The following F2RL1 variants were observed in gnomAD, a reference collection of about 807,000 sequenced individuals.
The protein encoded by F2RL1 is proteinase-activated receptor 2.
Under a neutral mutation model 21.7 loss-of-function variants are expected in F2RL1, and 16 were observed. The ratio of observed to expected loss-of-function variants is 0.74; its 90% CI spans 0.50 to 1.12. The LOEUF is 1.12. Among genes scored for constraint, F2RL1 ranks in the 50% most tolerant of loss-of-function variants. The pLI, the probability that F2RL1 is intolerant of heterozygous loss-of-function variation, is 0.00. For missense variants in F2RL1, 432 were observed against 477.8 expected (o/e 0.90, Z 0.89); for synonymous variants, 181 against 186.7 (o/e 0.97, Z 0.25).
At chr5:76,823,429 A>T (rs899367177) in intron 1 of F2RL1, among the ~76,000 whole-genome samples, 1 of 130,796 alleles carries the variant, frequency 7.6e-6, no homozygotes, top group African/African-American at 3.0e-5. Context: ...GGAGGGCTGG[A>T]GTGCAGTGAT....
rs746222585 is a variant in F2RL1 at position 76,832,964 on chromosome 5, G to A, written c.357G>A (p.Leu119=). Residue 119 remains leucine, a synonymous_variant, in exon 2 of 2, where the codon TTG becomes TTA. Transcript: ENST00000296677. ...PAVIYMANLA[L]ADLLSVIWFP... is the part of the protein sequence containing the mutation. The stretch of plus-strand genomic sequence containing the variant: ...TGATTTACATGGCCAATCTGGCCTT[G>A]GCTGACCTCCTCTCTGTCATCTGGT... 1.2e-6 allele frequency: 2 copies of A among 1,614,194 alleles called. No individual in the cohort carries two copies. Among genetic ancestry groups the A allele is most frequent in the Non-Finnish European group, 1.7e-6 (2 of 1,180,056 alleles).
At chr5:76,829,354 C>G (rs1461172290) in intron 1 of F2RL1, among the ~76,000 whole-genome samples, 1 of 151,366 alleles carries the variant, frequency 6.6e-6, no homozygotes, top group Non-Finnish European at 1.5e-5. Context: ...GCTTTGGCCT[C>G]TCAAAGTGCT....
At position 76,825,457 on chromosome 5, in the gene F2RL1, G is replaced by A. The variant is rs1192978920; in HGVS notation, c.82+6193G>A. Among the ~76,000 whole-genome samples, 3 of 152,158 alleles carry A rather than the reference G, an allele frequency of 2.0e-5. No individual in the cohort carries two copies. The East Asian group carries it at 5.8e-4, about 29-fold the overall frequency. ...GAGCTGTTTGTCTGTAACTGAGTGG[G>A]GGGATGCTGCCTTGAGCATCTGTGA... On this transcript the variant is annotated intron_variant, in intron 1 of 1. Coordinates refer to ENST00000296677, the MANE Select transcript of F2RL1 (RefSeq NM_005242.6).
At chr5:76,827,956 C>T (rs1001344249) in intron 1 of F2RL1, among the ~76,000 whole-genome samples, 2 of 152,004 alleles carry the variant, frequency 1.3e-5, no homozygotes, top group African/African-American at 4.8e-5. Flanking sequence ...ATAACTGTAC[C>T]TTTTATTTTA....
At chr5:76,829,263 CTT>C (rs57404989) in intron 1 of F2RL1, among the ~76,000 whole-genome samples, 528 of 46,034 alleles carry the variant, frequency 0.011, 2 homozygotes, top group African/African-American at 0.023. Flanking sequence ...TCTTCTTCTT[CTT>C]TTTTTTTTTT....
At chr5:76,826,374 G>T (rs1006863059) in intron 1 of F2RL1, among the ~76,000 whole-genome samples, 2 of 152,124 alleles carry the variant, frequency 1.3e-5, no homozygotes, top group Admixed American at 1.3e-4. Flanking sequence ...TTAGCCCTTG[G>T]CAAACACTAA....
In F2RL1 at chr5:76,833,036, T is replaced by C. The variant is rs1048421495; in HGVS notation, c.429T>C (p.Tyr143=). 7 of 1,614,068 alleles carry C rather than the reference T, an allele frequency of 4.3e-6. No homozygotes were observed. Among genetic ancestry groups the C allele is most frequent in the Middle Eastern group, 3.3e-4 (2 of 6,084 alleles). ...AYHIHGNNWI[Y]GEALCNVLIG... ...ACATACATGGCAACAACTGGATTTA[T>C]GGGGAAGCTCTTTGTAATGTGCTTA... is the stretch of plus-strand genomic sequence containing the variant. Residue 143 remains tyrosine, a synonymous_variant, in exon 2 of 2, where the codon TAT becomes TAC. Coordinates refer to ENST00000296677, the MANE Select transcript of F2RL1 (RefSeq NM_005242.6).
At chr5:76,820,973 A>G (rs905794815) in intron 1 of F2RL1, among the ~76,000 whole-genome samples, 1 of 152,240 alleles carries the variant, frequency 6.6e-6, no homozygotes, top group African/African-American at 2.4e-5. Context: ...ATTGATTTTA[A>G]TAAGAAATAC....
In F2RL1 at chr5:76,833,549, T is replaced by A. The variant is rs1398892656; in HGVS notation, c.942T>A (p.Ile314=). 2 of 1,613,676 alleles carry A rather than the reference T, an allele frequency of 1.2e-6. No individual in the cohort carries two copies. The highest frequency in any genetic ancestry group is 1.7e-6 in the Non-Finnish European group (2 of 1,179,970). Residue 314 remains isoleucine, a synonymous_variant, in exon 2 of 2, where the codon ATT becomes ATA. Coordinates refer to ENST00000296677, the MANE Select transcript of F2RL1 (RefSeq NM_005242.6). ...TGCTTGTGGTGCATTATTTTCTGATTAAGAGCCAGGGCCAGAGCCATGTCT... is the reference window on the plus strand; with the variant it reads ...TGCTTGTGGTGCATTATTTTCTGATAAAGAGCCAGGGCCAGAGCCATGTCT... ...NLLLVVHYFL[I]KSQGQSHVYA...
At chr5:76,832,618 C>G (rs938807518) in intron 1 of F2RL1, 72 bp from the exon 2 acceptor site, 21 of 1,396,956 alleles carry the variant, frequency 1.5e-5, no homozygotes, top group Non-Finnish European at 2.0e-5. Context: ...AATGTACTTT[C>G]ATTTGAACAA....
chr5:76,831,065 T>G (rs1750340745), intron 1 of F2RL1, among the ~76,000 whole-genome samples: 1 of 152,184 alleles, frequency 6.6e-6, no homozygotes, highest in Non-Finnish European at 1.5e-5. Context: ...TCCTGCAGGT[T>G]CATGAATACT....
At chr5:76,829,251 C>G (rs62365146) in intron 1 of F2RL1, among the ~76,000 whole-genome samples, 78,207 of 146,596 alleles carry the variant, frequency 0.53, 21,067 homozygotes, top group South Asian at 0.72. Context: ...TACCTTTGTT[C>G]TTCTTCTTCT....
At chr5:76,829,026 G>A (rs941230471) in intron 1 of F2RL1, among the ~76,000 whole-genome samples, 2 of 151,812 alleles carry the variant, frequency 1.3e-5, no homozygotes, top group African/African-American at 4.8e-5. Context: ...TGAGGCAGGA[G>A]AATTGCTTGA....
rs1750425237 is a variant in F2RL1, at chr5:76,834,608, C to G, written c.*807C>G. 1 of 152,114 alleles carries G rather than the reference C, an allele frequency of 6.6e-6. No individual in the cohort carries two copies. The highest frequency in any genetic ancestry group is 6.6e-5 in the Admixed American group (1 of 15,250). 9.4% of individuals were successfully genotyped at this position (152,114 alleles called of 1,614,324 possible). A position where few individuals can be genotyped will look rare whatever the true frequency, so the allele number is the denominator to read the frequency against. On this transcript the variant is annotated 3_prime_UTR_variant, in exon 2 of 2. Coordinates refer to ENST00000296677, the MANE Select transcript of F2RL1 (RefSeq NM_005242.6). ...AGGTTGCAGTGAGCCGAGATTGCAC[C>G]ACTGCACTCCAGCTTGGGTGATAAA...
In F2RL1 at chr5:76,833,380, C is replaced by T. The variant is rs1750389066; in HGVS notation, c.773C>T (p.Thr258Ile). 2 of 1,613,978 alleles carry T rather than the reference C, an allele frequency of 1.2e-6. No individual in the cohort carries two copies. Among genetic ancestry groups the T allele is most frequent in the Admixed American group, 1.7e-5 (1 of 59,992 alleles). Residue 258 changes from threonine to isoleucine, a missense_variant, in exon 2 of 2, where the codon ACA (threonine) becomes ATA (isoleucine). Thr to Ile is a moderately conservative substitution (Grantham distance 89). Transcript: ENST00000296677. ...IGVFLFPAFL[T>I]ASAYVLMIRM... ...GTCTTTCTGTTCCCAGCCTTCCTCA[C>T]AGCCTCTGCCTATGTGCTGATGATC...
chr5:76,828,201 T>A (rs914159877), intron 1 of F2RL1, among the ~76,000 whole-genome samples: 1 of 152,064 alleles, frequency 6.6e-6, no homozygotes, highest in African/African-American at 2.4e-5. Context: ...ACTCCTGACC[T>A]CAGGTGATCC....
At chr5:76,819,751 C>G (rs1037280189) in intron 1 of F2RL1, among the ~76,000 whole-genome samples, 1 of 152,034 alleles carries the variant, frequency 6.6e-6, no homozygotes, top group African/African-American at 2.4e-5. Flanking sequence ...CAGGGCAGGG[C>G]GGAGTGGGTG....
In F2RL1 at chr5:76,833,422, C is replaced by T. The variant is rs1463079051; in HGVS notation, c.815C>T (p.Ser272Phe). 6.2e-7 allele frequency: 1 copy of T among 1,613,904 alleles called. No individual in the cohort carries two copies. The highest frequency in any genetic ancestry group is 8.5e-7 in the Non-Finnish European group (1 of 1,180,032). Residue 272 changes from serine (S) to phenylalanine (F), a missense_variant, in exon 2 of 2, where the codon TCT becomes TTT. By Grantham distance (155) the Ser-to-Phe change is radical. Coordinates refer to ENST00000296677, the MANE Select transcript of F2RL1 (RefSeq NM_005242.6). ...CTGATGATCAGAATGCTGCGATCTT[C>T]TGCCATGGATGAAAACTCAGAGAAG... ...YVLMIRMLRS[S>F]AMDENSEKKR... is the part of the protein sequence containing the mutation.
rs868848391 is a variant in F2RL1 at position 76,833,670 on chromosome 5, G to T, written c.1063G>T (p.Ala355Ser). ...YFVSHDFRDH[A>S]KNALLCRSVR... ...TGTTTCACATGATTTCAGGGATCAT[G>T]CAAAGAACGCTCTCCTTTGCCGAAG... Residue 355 changes from alanine to serine, a missense_variant, in exon 2 of 2, where the codon GCA becomes TCA. Physicochemically the swap from Ala to Ser is moderately conservative, Grantham distance 99. Transcript: ENST00000296677. The T allele has an allele frequency of 3.7e-6, 6 of 1,613,970 alleles. No homozygotes were observed. The African/African-American group carries it at 8.0e-5, about 22-fold the overall frequency.
Sources: gnomAD v4.1 joint callset for allele counts (sites outside exome capture counted in the v4.1 genomes callset) on GRCh38, gnomAD v4.1.1 for gene constraint, MANE v1.5 for transcripts, NCBI Gene and HGNC (gene_info 2026-07-23, HGNC 2026-07-21) for gene names.